The following EGFLAM variants were observed in gnomAD, a reference collection of about 807,000 sequenced individuals.
EGFLAM encodes the protein pikachurin.
EGFLAM carries 79 observed loss-of-function variants against 113.1 expected under a neutral mutation model. The observed-to-expected ratio is 0.70, with a 90% CI of 0.58 to 0.84. The LOEUF is 0.84. Among genes scored for constraint, EGFLAM ranks in the 40% least tolerant of loss-of-function variants. The probability of loss-of-function intolerance (pLI) is 0.00; values close to 1 mark genes in which losing one functional copy is unlikely to be tolerated. For synonymous variants in EGFLAM, 504 were observed against 487.6 expected (o/e 1.03, Z -0.44); for missense variants, 1,265 against 1,291.6 (o/e 0.98, Z 0.32).
intron 1 of EGFLAM, among the ~76,000 whole-genome samples, chr5:38,317,421 C>T (rs73750679): frequency 0.062 from 9,472 of 152,108 alleles, 322 homozygotes; most frequent in Middle Eastern, 0.12. Flanking sequence ...TCTATGTCTG[C>T]CAGGAAGGGG....
At chr5:38,363,161 G>T (rs566023069) in intron 5 of EGFLAM, among the ~76,000 whole-genome samples, 1 of 151,954 alleles carries the variant, frequency 6.6e-6, no homozygotes, top group South Asian at 2.1e-4. Flanking sequence ...ACCTTTCTCT[G>T]CAATTCATTT....
intron 6 of EGFLAM, among the ~76,000 whole-genome samples, chr5:38,392,728 C>G (rs1405802069): frequency 1.1e-4 from 16 of 152,028 alleles, no homozygotes; most frequent in Non-Finnish European, 5.9e-5. Flanking sequence ...TACATGTGCA[C>G]AACGTGCAGG....
chr5:38,344,920 G>A (rs1739436614), intron 3 of EGFLAM, among the ~76,000 whole-genome samples: 1 of 152,230 alleles, frequency 6.6e-6, no homozygotes, highest in Non-Finnish European at 1.5e-5. Context: ...TTGGAAAGGA[G>A]GCTGAGAATG....
intron 20 of EGFLAM, among the ~76,000 whole-genome samples, chr5:38,459,798 C>T (rs929534465): frequency 2.6e-5 from 4 of 151,336 alleles, no homozygotes; most frequent in Admixed American, 2.6e-4. Context: ...CCAACCCTGG[C>T]TGTTGGGCCT....
At chr5:38,457,095 C>T (rs1271027994) in intron 19 of EGFLAM, among the ~76,000 whole-genome samples, 1 of 152,152 alleles carries the variant, frequency 6.6e-6, no homozygotes. Context: ...TAGGAAGCCA[C>T]TAGAGAAACC....
Position 38,464,013 on chromosome 5 carries a change from G to C in EGFLAM, c.*27G>C, listed in dbSNP as rs1561111411. The C allele has an allele frequency of 1.2e-6, 2 of 1,614,016 alleles. No homozygotes were observed. The highest frequency in any genetic ancestry group is 1.7e-6 in the Non-Finnish European group (2 of 1,179,934). On this transcript the variant is annotated 3_prime_UTR_variant, in exon 22 of 22. Transcript: ENST00000322350. ...ACCAGCTGGCCTTGTCCAAGGGACA[G>C]AGCCTTCTATTCTGAGAATCCCAGG...
At chr5:38,460,568 A>C (rs1743238281) in intron 20 of EGFLAM, among the ~76,000 whole-genome samples, 1 of 152,208 alleles carries the variant, frequency 6.6e-6, no homozygotes, top group African/African-American at 2.4e-5. Flanking sequence ...ATGGCTTAGC[A>C]GACTTGGCTT....
chr5:38,459,143 C>T (rs942248356), intron 20 of EGFLAM, among the ~76,000 whole-genome samples: 8 of 152,146 alleles, frequency 5.3e-5, no homozygotes, highest in Middle Eastern at 3.4e-3. Flanking sequence ...CAGGCTCAGG[C>T]AGTCCTCCCA....
Position 38,430,105 on chromosome 5 carries a change from G to A in EGFLAM, c.2055-1072G>A, listed in dbSNP as rs140948236. 7.0e-4 allele frequency: 159 copies of A among 228,110 alleles called. 1 individual carries two copies. Among genetic ancestry groups the A allele is most frequent in the African/African-American group, 3.3e-3 (143 of 43,570 alleles). The allele number at this position is 228,110 out of a possible 1,614,324, so 14.1% of individuals were successfully genotyped here. Reference sequence around the variant, plus strand: ...TTCTTCACGATGACAGCTTTGCGTCGGAGTAGCATCTGGCCAGGACCACCA... The same window carrying A: ...TTCTTCACGATGACAGCTTTGCGTCAGAGTAGCATCTGGCCAGGACCACCA... On this transcript the variant is annotated intron_variant, in intron 14 of 21. Coordinates refer to ENST00000322350, the MANE Select transcript of EGFLAM (RefSeq NM_152403.4).
intron 1 of EGFLAM, among the ~76,000 whole-genome samples, chr5:38,269,100 G>A (rs939313078): frequency 1.3e-5 from 2 of 152,130 alleles, no homozygotes; most frequent in African/African-American, 2.4e-5. Flanking sequence ...GATCACCTGA[G>A]CTCAGGAAGT....
chr5:38,440,813 T>C (rs1001177454), intron 17 of EGFLAM, among the ~76,000 whole-genome samples: 4 of 152,182 alleles, frequency 2.6e-5, no homozygotes, highest in African/African-American at 9.7e-5. Context: ...GCACCAGGGC[T>C]CATCCAATCC....
intron 11 of EGFLAM, among the ~76,000 whole-genome samples, chr5:38,414,918 AG>A (rs1265286306): frequency 3.9e-5 from 6 of 152,104 alleles, no homozygotes; most frequent in African/African-American, 1.2e-4. Flanking sequence ...ATCTCAGGAG[AG>A]GGGGGCATCC....
chr5:38,328,258 G>C (rs1561279908), intron 1 of EGFLAM, among the ~76,000 whole-genome samples: 2 of 152,132 alleles, frequency 1.3e-5, no homozygotes, highest in African/African-American at 2.4e-5. Flanking sequence ...TAAAGAACCA[G>C]ATCTTACGAG....
Position 38,460,344 on chromosome 5 carries a change from C to A in EGFLAM, c.2771+1950C>A, listed in dbSNP as rs564344466. On this transcript the variant is annotated intron_variant, in intron 20 of 21. Coordinates refer to ENST00000322350, the MANE Select transcript of EGFLAM (RefSeq NM_152403.4). Reference sequence around the variant, plus strand: ...AGGATACCAGGCACTTCCTAGACATCTAAGGAAACTGATGTTAAATGATCT... The same window carrying A: ...AGGATACCAGGCACTTCCTAGACATATAAGGAAACTGATGTTAAATGATCT... Among the ~76,000 whole-genome samples the A allele has an allele frequency of 2.6e-5, 4 of 152,308 alleles. No homozygotes were observed. In the East Asian group the frequency reaches 7.7e-4, roughly 29 times the overall value.
At chr5:38,430,041 C>G in intron 14 of EGFLAM, 1 of 225,564 alleles carries the variant, frequency 4.4e-6, no homozygotes, top group East Asian at 1.1e-4. Flanking sequence ...AGGGGATATC[C>G]GGTGGCTGTA....
intron 1 of EGFLAM, among the ~76,000 whole-genome samples, chr5:38,310,747 G>A (rs1211652836): frequency 6.6e-6 from 1 of 152,144 alleles, no homozygotes; most frequent in Non-Finnish European, 1.5e-5. Flanking sequence ...CAGATGTAGT[G>A]ATATAGATCT....
At chr5:38,429,760 G>C (rs1742130115) in intron 14 of EGFLAM, 1 of 152,116 alleles carries the variant, frequency 6.6e-6, no homozygotes, top group African/African-American at 2.4e-5. Context: ...TAAGCATCCT[G>C]ATACCGAGCA....
chr5:38,268,338 C>T (rs1274403263), intron 1 of EGFLAM, among the ~76,000 whole-genome samples: 1 of 152,100 alleles, frequency 6.6e-6, no homozygotes, highest in East Asian at 1.9e-4. Context: ...TCTTTAATCC[C>T]ACCATCTTAT....
chr5:38,361,210 C>G (rs2561142), intron 5 of EGFLAM, among the ~76,000 whole-genome samples: 73,182 of 151,742 alleles, frequency 0.48, 19,721 homozygotes, highest in East Asian at 0.59. Context: ...GACAGCTATT[C>G]TACCTCCTTA....
Sources: gnomAD v4.1 joint callset for allele counts (sites outside exome capture counted in the v4.1 genomes callset) on GRCh38, gnomAD v4.1.1 for gene constraint, MANE v1.5 for transcripts, NCBI Gene and HGNC (gene_info 2026-07-23, HGNC 2026-07-21) for gene names.